The following MTR variants were observed in gnomAD, a reference collection of about 807,000 sequenced individuals.
MTR encodes 5-methyltetrahydrofolate-homocysteine methyltransferase.
MTR carries 84 observed loss-of-function variants against 154.8 expected under a neutral mutation model. That is an observed-to-expected ratio of 0.54 (90% CI 0.45 to 0.65). MTR has a LOEUF of 0.65. Ranked by LOEUF, MTR falls within the 30% of genes least tolerant of loss-of-function variation. MTR has a pLI of 0.00. For missense variants in MTR, 1,275 were observed against 1,570.2 expected (o/e 0.81, Z 3.18); for synonymous variants, 554 against 553.9 (o/e 1.00, Z 0.00).
chr1:236,796,553 G>T (rs918004704), intron 1 of MTR, among the ~76,000 whole-genome samples: 2 of 152,086 alleles, frequency 1.3e-5, no homozygotes, highest in African/African-American at 4.8e-5. Context: ...GGAAGAGGGG[G>T]AATACTAAAT....
chr1:236,897,141 T>C (rs370100678), intron 32 of MTR, 23 bp downstream of exon 32: 246 of 1,519,608 alleles, frequency 1.6e-4, no homozygotes, highest in Non-Finnish European at 2.1e-4. Flanking sequence ...TTGCATTATA[T>C]GTGGCTTGCC....
Position 236,805,542 on chromosome 1 carries a change from G to GCCACTGTGGCTCACTCTTGC in MTR, c.250-598_250-597insTGTGGCTCACTCTTGCCCAC, listed in dbSNP as rs1553310455. Among the ~76,000 whole-genome samples, 11 of 152,114 alleles carry GCCACTGTGGCTCACTCTTGC rather than the reference G, an allele frequency of 7.2e-5. No individual in the cohort carries two copies. In the South Asian group the frequency reaches 2.3e-3, roughly 32 times the overall value. Reference sequence around the variant, plus strand: ...GTCACTCAGGCTGGAGTGCAGTGGTGCCACCGTGGCTCACTCTAGCCCACT... The same window carrying GCCACTGTGGCTCACTCTTGC: ...GTCACTCAGGCTGGAGTGCAGTGGTGCCACTGTGGCTCACTCTTGCCCACCGTGGCTCACTCTAGCCCACT... On this transcript the variant is annotated intron_variant, in intron 2 of 32. Coordinates refer to ENST00000366577, the MANE Select transcript of MTR (RefSeq NM_000254.3).
At chr1:236,883,851 C>T (rs1184105763) in intron 25 of MTR, among the ~76,000 whole-genome samples, 1 of 152,164 alleles carries the variant, frequency 6.6e-6, no homozygotes, top group African/African-American at 2.4e-5. Flanking sequence ...AGCCGTCATT[C>T]AGTCTGACTT....
intron 22 of MTR, among the ~76,000 whole-genome samples, chr1:236,869,837 A>G (rs544053376): frequency 3.9e-4 from 60 of 152,278 alleles, no homozygotes; most frequent in Non-Finnish European, 7.1e-4. Flanking sequence ...GGGCCCTCAT[A>G]GTGCTGGTCT....
chr1:236,861,973 GA>G (rs560493338), intron 20 of MTR, among the ~76,000 whole-genome samples: 2 of 150,242 alleles, frequency 1.3e-5, no homozygotes, highest in South Asian at 2.1e-4. Flanking sequence ...CTAGACAGAG[GA>G]AAAAAAAACA....
chr1:236,797,968 C>A (rs56874335), intron 1 of MTR, among the ~76,000 whole-genome samples: 87,431 of 141,152 alleles, frequency 0.62, 27,637 homozygotes, highest in African/African-American at 0.7. Flanking sequence ...CAAAAAAAAA[C>A]AAAACAAAAC....
At chr1:236,892,005 G>C (rs10802569) in intron 29 of MTR, among the ~76,000 whole-genome samples, 100,478 of 151,942 alleles carry the variant, frequency 0.66, 33,554 homozygotes, top group African/African-American at 0.75. Flanking sequence ...TCAGCAACTT[G>C]TCTCTCATCC....
intron 22 of MTR, among the ~76,000 whole-genome samples, chr1:236,865,491 C>T (rs865897586): frequency 5.9e-5 from 9 of 152,222 alleles, no homozygotes; most frequent in Middle Eastern, 3.2e-3. Flanking sequence ...GTGAGTCTAG[C>T]AACCTATCCT....
chr1:236,813,402 T>C (rs183716643), intron 6 of MTR, among the ~76,000 whole-genome samples: 1 of 152,344 alleles, frequency 6.6e-6, no homozygotes, highest in East Asian at 1.9e-4. Context: ...ACAAGTTAAA[T>C]TGCTGAATCA....
intron 28 of MTR, among the ~76,000 whole-genome samples, chr1:236,889,782 G>A (rs1439843538): frequency 6.6e-6 from 1 of 152,142 alleles, no homozygotes; most frequent in East Asian, 1.9e-4. Context: ...CCGTGGCTGG[G>A]ACTGTGGATG....
intron 29 of MTR, among the ~76,000 whole-genome samples, chr1:236,893,413 C>G (rs72762132): frequency 6.6e-6 from 1 of 152,042 alleles, no homozygotes; most frequent in East Asian, 1.9e-4. Flanking sequence ...TATATGTAGA[C>G]GCATGGGTTG....
intron 1 of MTR, among the ~76,000 whole-genome samples, chr1:236,796,037 C>T (rs1336174825): frequency 6.6e-6 from 1 of 152,104 alleles, no homozygotes; most frequent in Non-Finnish European, 1.5e-5. Flanking sequence ...CAGTTCCACG[C>T]AGCATAAACC....
chr1:236,819,492 C>T, intron 8 of MTR: 1 of 282,756 alleles, frequency 3.5e-6, no homozygotes, highest in Non-Finnish European at 6.9e-6. Context: ...GTTTTTTTCC[C>T]ATTCATGTAT....
chr1:236,868,173 C>G (rs1223487596), intron 22 of MTR, among the ~76,000 whole-genome samples: 1 of 152,186 alleles, frequency 6.6e-6, no homozygotes, highest in African/African-American at 2.4e-5. Flanking sequence ...CCCCAAACTT[C>G]TGCAGCCACC....
intron 13 of MTR, among the ~76,000 whole-genome samples, chr1:236,833,541 C>T (rs1271136798): frequency 2.6e-5 from 4 of 152,148 alleles, no homozygotes; most frequent in Non-Finnish European, 2.9e-5. Flanking sequence ...ACCCAAGTCT[C>T]CCAAGCATGT....
chr1:236,855,984 C>G (rs1185575760), intron 18 of MTR, among the ~76,000 whole-genome samples: 1 of 152,162 alleles, frequency 6.6e-6, no homozygotes, highest in Non-Finnish European at 1.5e-5. Context: ...TTAAGTATTG[C>G]TTTCATGAGT....
At chr1:236,869,620 CAT>C (rs1665010839) in intron 22 of MTR, among the ~76,000 whole-genome samples, 1 of 152,136 alleles carries the variant, frequency 6.6e-6, no homozygotes, top group South Asian at 2.1e-4. Flanking sequence ...GGCTTACAGA[CAT>C]AGGGTATGGC....
At chr1:236,878,071 G>C (rs973352265) in intron 24 of MTR, among the ~76,000 whole-genome samples, 2 of 151,976 alleles carry the variant, frequency 1.3e-5, no homozygotes, top group African/African-American at 4.8e-5. Context: ...GTTTATAGTA[G>C]TTACAAGTCC....
chr1:236,887,913 G>A (rs567078160), intron 27 of MTR, among the ~76,000 whole-genome samples: 26 of 152,346 alleles, frequency 1.7e-4, no homozygotes, highest in African/African-American at 4.3e-4. Context: ...GCGGGAGGAC[G>A]CTTGAATCAA....
Sources: gnomAD v4.1 joint callset for allele counts (sites outside exome capture counted in the v4.1 genomes callset) on GRCh38, gnomAD v4.1.1 for gene constraint, MANE v1.5 for transcripts, NCBI Gene and HGNC (gene_info 2026-07-23, HGNC 2026-07-21) for gene names.